The following SGMS1 variants were observed in gnomAD, a reference collection of about 807,000 sequenced individuals.
The protein encoded by SGMS1 is phosphatidylcholine:ceramide cholinephosphotransferase 1.
Under a neutral mutation model 46.2 loss-of-function variants are expected in SGMS1, and 13 were observed. The ratio of observed to expected loss-of-function variants is 0.28; its 90% confidence interval spans 0.18 to 0.45. The LOEUF is 0.45. Ranked by LOEUF, SGMS1 falls within the 20% of genes least tolerant of loss-of-function variation. SGMS1 has a pLI of 1.00. For synonymous variants in SGMS1, 203 were observed against 187.8 expected (o/e 1.08, Z -0.66); for missense variants, 324 against 519.9 (o/e 0.62, Z 3.66).
At chr10:50,572,410 A>T (rs1386404500) in intron 2 of SGMS1, among the ~76,000 whole-genome samples, 1 of 152,080 alleles carries the variant, frequency 6.6e-6, no homozygotes, top group Non-Finnish European at 1.5e-5. Flanking sequence ...AAAAATTCAC[A>T]ATTCCTTGCC....
intron 2 of SGMS1, among the ~76,000 whole-genome samples, chr10:50,525,489 G>T (rs1035684424): frequency 2.4e-4 from 36 of 152,130 alleles, no homozygotes; most frequent in African/African-American, 8.4e-4. Flanking sequence ...CACTGGTAGA[G>T]ACCAAGATGC....
At chr10:50,420,686 T>A (rs1029026221) in intron 6 of SGMS1, among the ~76,000 whole-genome samples, 2 of 152,238 alleles carry the variant, frequency 1.3e-5, no homozygotes, top group Non-Finnish European at 2.9e-5. Context: ...GGCTATTATA[T>A]CAAGGACAGC....
At chr10:50,622,014 T>A (rs560417970) in intron 1 of SGMS1, among the ~76,000 whole-genome samples, 68 of 152,320 alleles carry the variant, frequency 4.5e-4, no homozygotes, top group African/African-American at 1.6e-3. Context: ...ATAAGACAAG[T>A]GAGCTGCCAC....
At chr10:50,363,924 C>T (rs878974871) in intron 6 of SGMS1, among the ~76,000 whole-genome samples, 5 of 151,478 alleles carry the variant, frequency 3.3e-5, no homozygotes, top group Admixed American at 3.3e-4. Flanking sequence ...AAAAAACAAA[C>T]AAACTAAAAG....
At position 50,446,735 on chromosome 10, in the gene SGMS1, C is replaced by A. The variant is rs538340163; in HGVS notation, c.-312-13179G>T. On this transcript the variant is annotated intron_variant, in intron 5 of 10. Transcript: ENST00000361781. ...AGAATCACACTCGCACACGTGTTTG[C>A]CTCTGGGATGGCACACCTGACTGAA... Among the ~76,000 whole-genome samples, 12 of 152,280 alleles carry A rather than the reference C, an allele frequency of 7.9e-5. 1 individual carries two copies. In the South Asian group the frequency reaches 2.5e-3, roughly 32 times the overall value.
chr10:50,511,395 A>G (rs901307730), intron 3 of SGMS1, among the ~76,000 whole-genome samples: 1 of 152,188 alleles, frequency 6.6e-6, no homozygotes, highest in African/African-American at 2.4e-5. Context: ...CCTCAGACTC[A>G]GTATTCAAGG....
intron 2 of SGMS1, among the ~76,000 whole-genome samples, chr10:50,586,358 T>C (rs538207859): frequency 6.6e-6 from 1 of 152,302 alleles, no homozygotes; most frequent in East Asian, 1.9e-4. Context: ...GCCTGGCCCA[T>C]GTAAGCCTCT....
chr10:50,437,207 G>A (rs577810517), intron 5 of SGMS1, among the ~76,000 whole-genome samples: 1 of 152,300 alleles, frequency 6.6e-6, no homozygotes, highest in South Asian at 2.1e-4. Flanking sequence ...AGGTATCCCA[G>A]TATGCTCAAC....
At chr10:50,355,741 G>T (rs1013444436) in intron 6 of SGMS1, among the ~76,000 whole-genome samples, 26 of 151,702 alleles carry the variant, frequency 1.7e-4, no homozygotes, top group Non-Finnish European at 2.5e-4. Flanking sequence ...CCCATCGTCT[G>T]GGATGTGAGG....
chr10:50,600,280 G>T (rs569285781), intron 1 of SGMS1, among the ~76,000 whole-genome samples: 7 of 152,186 alleles, frequency 4.6e-5, no homozygotes, highest in African/African-American at 1.7e-4. Context: ...AAGGGCACTT[G>T]CTTGGGCTTG....
At chr10:50,604,227 C>A (rs1838673574) in intron 1 of SGMS1, among the ~76,000 whole-genome samples, 1 of 152,092 alleles carries the variant, frequency 6.6e-6, no homozygotes. Context: ...CCCTCATAAA[C>A]CTGACACCCC....
chr10:50,574,966 T>C (rs903053156), intron 2 of SGMS1, among the ~76,000 whole-genome samples: 4 of 139,248 alleles, frequency 2.9e-5, no homozygotes, highest in Non-Finnish European at 4.8e-5. Flanking sequence ...ATGTGGTGTA[T>C]ATATATATAT....
chr10:50,366,807 G>A (rs1012736944), intron 6 of SGMS1, among the ~76,000 whole-genome samples: 1 of 152,116 alleles, frequency 6.6e-6, no homozygotes, highest in African/African-American at 2.4e-5. Flanking sequence ...GTTGGAGGGT[G>A]GGGGGCTAGG....
chr10:50,528,495 C>T (rs906528650), intron 2 of SGMS1, among the ~76,000 whole-genome samples: 1 of 152,230 alleles, frequency 6.6e-6, no homozygotes, highest in Admixed American at 6.5e-5. Flanking sequence ...ACCAGTGAGG[C>T]AGTCAGAAAC....
At chr10:50,600,967 A>G (rs1838644687) in intron 1 of SGMS1, among the ~76,000 whole-genome samples, 1 of 152,198 alleles carries the variant, frequency 6.6e-6, no homozygotes, top group Non-Finnish European at 1.5e-5. Flanking sequence ...ATAAAAACCC[A>G]TGTGTTCAAC....
At chr10:50,579,149 A>G (rs1838411099) in intron 2 of SGMS1, among the ~76,000 whole-genome samples, 2 of 152,182 alleles carry the variant, frequency 1.3e-5, no homozygotes, top group Admixed American at 1.3e-4. Flanking sequence ...AGAATAAAAA[A>G]ACTGTCAAAA....
intron 8 of SGMS1, among the ~76,000 whole-genome samples, chr10:50,326,050 G>A (rs912350627): frequency 6.6e-6 from 1 of 152,122 alleles, no homozygotes; most frequent in Non-Finnish European, 1.5e-5. Flanking sequence ...AAGAAGGAGA[G>A]TGCAGGGAGG....
chr10:50,624,799 C>G, upstream of SGMS1: 1 of 986,378 alleles, frequency 1.0e-6, no homozygotes, highest in Non-Finnish European at 1.2e-6. Flanking sequence ...CCCCGATGCC[C>G]GCCGTCCCTG....
intron 3 of SGMS1, among the ~76,000 whole-genome samples, chr10:50,489,673 T>C (rs1837551651): frequency 6.6e-6 from 1 of 152,126 alleles, no homozygotes; most frequent in Non-Finnish European, 1.5e-5. Flanking sequence ...TCAAAATCAC[T>C]CATTAAAAAA....
Sources: allele counts gnomAD v4.1 joint callset (sites outside exome capture counted in the v4.1 genomes callset), GRCh38; gene constraint gnomAD v4.1.1; transcripts MANE v1.5; gene names NCBI Gene and HGNC (gene_info 2026-07-23, HGNC 2026-07-21).